CPNE6: variants seen among roughly 807,000 people sequenced by gnomAD.
The protein encoded by CPNE6 is copine 6.
In CPNE6, 33 loss-of-function variants were observed where a neutral mutation model predicts 71.5. That is an observed-to-expected ratio of 0.46 (90% confidence interval 0.35 to 0.62). CPNE6 has a LOEUF of 0.62. CPNE6 is among the 20% of genes least tolerant of loss of function. CPNE6 has a pLI of 0.00. For missense variants in CPNE6, 576 were observed against 747.3 expected (o/e 0.77, Z 2.67); for synonymous variants, 296 against 293.0 (o/e 1.01, Z -0.10).
chr14:24,071,590 T>C (rs1217330218), exon 2 of CPNE6: 2 of 1,342,994 alleles, frequency 1.5e-6, no homozygotes, highest in Admixed American at 4.4e-5. Flanking sequence ...AGCAAGGGAG[T>C]CAGGGCCAGG....
At chr14:24,071,501 G>GGGGCCC in intron 1 of CPNE6, 61 bp from the exon 1 acceptor site, 200 of 1,416,438 alleles carry the variant, frequency 1.4e-4, no homozygotes, top group Non-Finnish European at 1.7e-4. Context: ...CTGGTGCTGC[G>GGGGCCC]CCCCCCCCCA....
chr14:24,073,240 T>C lies in CPNE6; in HGVS notation c.168+136T>C. On this transcript the variant is annotated intron_variant, in intron 3 of 17. Transcript: ENST00000397016. The surrounding 1 kb of genome is among the most constrained non-coding windows in gnomAD (Gnocchi z 5.5). ...CCTTCTCGAGGCCGCTTGGGTACCCTGGAGATGGTGTCCCAGAGGGTCCTG... is the reference window on the plus strand; with the variant it reads ...CCTTCTCGAGGCCGCTTGGGTACCCCGGAGATGGTGTCCCAGAGGGTCCTG... 2 of 1,030,036 alleles carry C rather than the reference T, an allele frequency of 1.9e-6. No individual in the cohort carries two copies. Among genetic ancestry groups the C allele is most frequent in the Non-Finnish European group, 2.6e-6 (2 of 755,744 alleles). The allele number at this position is 1,030,036 out of a possible 1,614,324, so 63.8% of individuals were successfully genotyped here. A position where few individuals can be genotyped will look rare whatever the true frequency, so the allele number is the denominator to read the frequency against.
Position 24,075,332 on chromosome 14 carries a change from G to A in CPNE6, c.777+56G>A. ...ACCCAGATCCCTGGGAGAATCCTGA[G>A]GGTGATGCTGAAGAGACCACCATAG... On this transcript the variant is annotated intron_variant, in intron 9 of 17. Coordinates refer to ENST00000397016, the Ensembl canonical transcript of CPNE6. The surrounding 1 kb of genome is among the most constrained non-coding windows in gnomAD (Gnocchi z 4.3). 2.0e-6 allele frequency: 3 copies of A among 1,520,666 alleles called. No individual in the cohort carries two copies. The highest frequency in any genetic ancestry group is 1.7e-4 in the Middle Eastern group (1 of 5,906). 94.2% of individuals were successfully genotyped at this position (1,520,666 alleles called of 1,614,324 possible).
chr14:24,071,501 G>GC lies in CPNE6; in HGVS notation c.-119-17dup, dbSNP rs372732697. The GC allele has an allele frequency of 7.3e-3, 10,247 of 1,411,564 alleles. 120 individuals are homozygous for GC. The highest frequency in any genetic ancestry group is 0.067 in the African/African-American group (4,379 of 64,882). The allele number at this position is 1,411,564 out of a possible 1,614,324, so 87.4% of individuals were successfully genotyped here. A position where few individuals can be genotyped will look rare whatever the true frequency, so the allele number is the denominator to read the frequency against. ...TCCACGCGGGGGGAGCTGGTGCTGC[G>GC]CCCCCCCCCACCCCTCCCCATCCAG... On this transcript the variant is annotated intron_variant, in intron 1 of 17. Coordinates refer to ENST00000397016, the Ensembl canonical transcript of CPNE6.
In CPNE6 at chr14:24,074,689, C is replaced by T. The variant is rs375598302; in HGVS notation, c.583-17C>T. Reference sequence around the variant, plus strand: ...GACACAGACAGGAGCTGACCAGCCACCTGGTGCCTCTCCAAGGTGGTGAAG... The same window carrying T: ...GACACAGACAGGAGCTGACCAGCCATCTGGTGCCTCTCCAAGGTGGTGAAG... On this transcript the variant is annotated splice_polypyrimidine_tract_variant and intron_variant, in intron 7 of 17. Transcript: ENST00000397016. This position sits in a 1 kb window ranked among gnomAD's most constrained non-coding sequence, Gnocchi z 4.5. 4.4e-5 allele frequency: 71 copies of T among 1,613,918 alleles called. No homozygotes were observed. Among genetic ancestry groups the T allele is most frequent in the Non-Finnish European group, 5.4e-5 (64 of 1,179,926 alleles).
exon 3 of CPNE6, chr14:24,072,978 C>T: frequency 6.3e-7 from 1 of 1,586,900 alleles, no homozygotes. Context: ...AGCCCCCAAC[C>T]ATGACGCTGG....
In CPNE6 at chr14:24,077,706, T is replaced by C. The variant is rs777995219; in HGVS notation, c.1650T>C (p.Ala550=). 1 of 1,546,334 alleles carries C rather than the reference T, an allele frequency of 6.5e-7. No homozygotes were observed. The highest frequency in any genetic ancestry group is 1.3e-5 in the South Asian group (1 of 79,956). ...GGGCTCCCAGGCCCTGCACACTGGC[T>C]ACGACTCCCAGCCCTAGCCCGTGAC... The change falls in exon 17 of 18, where the codon GCT becomes GCC. Residue 550 remains alanine, a synonymous_variant. Coordinates refer to ENST00000397016, the Ensembl canonical transcript of CPNE6. The surrounding 1 kb of genome is among the most constrained non-coding windows in gnomAD (Gnocchi z 6.1).
Position 24,074,396 on chromosome 14 carries a change from C to A in CPNE6, c.498+31C>A. On this transcript the variant is annotated intron_variant, in intron 6 of 17. Coordinates refer to ENST00000397016, the Ensembl canonical transcript of CPNE6. The surrounding 1 kb of genome is among the most constrained non-coding windows in gnomAD (Gnocchi z 4.5). The stretch of plus-strand genomic sequence containing the variant: ...AACCCCAGAGTCCAGGCCCCCAACT[C>A]CCCTGTCACTCCTAGGCCTCCCACT... The A allele has an allele frequency of 1.3e-6, 2 of 1,548,532 alleles. No homozygotes were observed. The highest frequency in any genetic ancestry group is 1.7e-6 in the Non-Finnish European group (2 of 1,146,790).
chr14:24,075,419 G>T lies in CPNE6; in HGVS notation c.778-86G>T. The T allele has an allele frequency of 7.0e-7, 1 of 1,433,272 alleles. No individual in the cohort carries two copies. Among genetic ancestry groups the T allele is most frequent in the South Asian group, 1.2e-5 (1 of 85,494 alleles). The allele number at this position is 1,433,272 out of a possible 1,614,324, so 88.8% of individuals were successfully genotyped here. ...TCAGCTGAAGGACGGAACCATGGGG[G>T]TCTTGCTCTGGGAGGCTCTGCTGGA... On this transcript the variant is annotated intron_variant, in intron 9 of 17. Transcript: ENST00000397016. This position sits in a 1 kb window ranked among gnomAD's most constrained non-coding sequence, Gnocchi z 4.3.
At position 24,077,881 on chromosome 14, in the gene CPNE6, C is replaced by G. The variant is rs962799836; in HGVS notation, c.*38-7C>G. ...AGAGTGCTTATGACTCTCCCACCCCCTCCCAGGTGCCTGTCCTGACCCTCG... is the reference window on the plus strand; with the variant it reads ...AGAGTGCTTATGACTCTCCCACCCCGTCCCAGGTGCCTGTCCTGACCCTCG... On this transcript the variant is annotated splice_polypyrimidine_tract_variant and splice_region_variant and intron_variant, in intron 17 of 17. Coordinates refer to ENST00000397016, the Ensembl canonical transcript of CPNE6. This position sits in a 1 kb window ranked among gnomAD's most constrained non-coding sequence, Gnocchi z 6.1. 2 of 815,330 alleles carry G rather than the reference C, an allele frequency of 2.5e-6. No homozygotes were observed. Among genetic ancestry groups the G allele is most frequent in the Admixed American group, 3.6e-5 (1 of 27,788 alleles). The allele number at this position is 815,330 out of a possible 1,614,324, so 50.5% of individuals were successfully genotyped here.
rs1451109987 is a variant in CPNE6, at chr14:24,076,139, C to T, written c.925-10C>T. The T allele has an allele frequency of 6.2e-7, 1 of 1,611,696 alleles. No individual in the cohort carries two copies. Among genetic ancestry groups the T allele is most frequent in the Non-Finnish European group, 8.5e-7 (1 of 1,178,944 alleles). On this transcript the variant is annotated splice_polypyrimidine_tract_variant and intron_variant, in intron 11 of 17. Transcript: ENST00000397016. Reference sequence around the variant, plus strand: ...GGTTGCAGCATGACCTTCTTCCCACCCCCACCCAGGTGGCCATTGACTTCA... The same window carrying T: ...GGTTGCAGCATGACCTTCTTCCCACTCCCACCCAGGTGGCCATTGACTTCA...
Position 24,075,807 on chromosome 14 carries a change from A to G in CPNE6, c.865-20A>G. On this transcript the variant is annotated intron_variant, in intron 10 of 17. Coordinates refer to ENST00000397016, the Ensembl canonical transcript of CPNE6. The surrounding 1 kb of genome is among the most constrained non-coding windows in gnomAD (Gnocchi z 4.3). ...AAGGACCACCCCATCCCCTCGCCTTACCCCTCTCCCTACCTCCAGGTGGAG... is the reference window on the plus strand; with the variant it reads ...AAGGACCACCCCATCCCCTCGCCTTGCCCCTCTCCCTACCTCCAGGTGGAG... The G allele has an allele frequency of 6.2e-7, 1 of 1,612,378 alleles. No homozygotes were observed.
At position 24,074,887 on chromosome 14, in the gene CPNE6, TC is replaced by T; in HGVS notation, c.672+97del. The T allele has an allele frequency of 9.8e-7, 1 of 1,024,256 alleles. No individual in the cohort carries two copies. The highest frequency in any genetic ancestry group is 1.5e-6 in the Non-Finnish European group (1 of 671,724). 63.4% of individuals were successfully genotyped at this position (1,024,256 alleles called of 1,614,324 possible). A position where few individuals can be genotyped will look rare whatever the true frequency, so the allele number is the denominator to read the frequency against. On this transcript the variant is annotated intron_variant, in intron 8 of 17. Coordinates refer to ENST00000397016, the Ensembl canonical transcript of CPNE6. The surrounding 1 kb of genome is among the most constrained non-coding windows in gnomAD (Gnocchi z 4.5). ...CTGCATGTGGCAAGCCTCCCTCCTC[TC>T]CCCCAAGTGATAATCACATCCCACT...
chr14:24,076,579 T>G lies in CPNE6; in HGVS notation c.1165+22T>G, dbSNP rs200941113. On this transcript the variant is annotated intron_variant, in intron 14 of 17. Coordinates refer to ENST00000397016, the Ensembl canonical transcript of CPNE6. ...GAAGGTAAAAGGGGAGATTTTCACCTGCCCCGCCTCCCCGCAGACACACTC... is the reference window on the plus strand; with the variant it reads ...GAAGGTAAAAGGGGAGATTTTCACCGGCCCCGCCTCCCCGCAGACACACTC... 122 of 1,613,914 alleles carry G rather than the reference T, an allele frequency of 7.6e-5. 1 individual carries two copies. In the Middle Eastern group the frequency reaches 1.2e-3, roughly 15 times the overall value.
chr14:24,071,993 A>T (rs1274730169), intron 2 of CPNE6: 3 of 265,378 alleles, frequency 1.1e-5, no homozygotes, highest in Admixed American at 5.0e-5. Flanking sequence ...AGGGTGGGGC[A>T]CTCAGACACA....
At chr14:24,072,815 G>C (rs2035940995) in intron 2 of CPNE6, 118 bp from the exon 2 acceptor site, 1 of 926,202 alleles carries the variant, frequency 1.1e-6, no homozygotes, top group Non-Finnish European at 1.5e-6. Context: ...AGGTCCGTGA[G>C]GCCCCAGGGT....
rs775743002 is a variant in CPNE6 at position 24,072,925 on chromosome 14, C to T, written c.-4-8C>T. 4 of 1,560,654 alleles carry T rather than the reference C, an allele frequency of 2.6e-6. No homozygotes were observed. The highest frequency in any genetic ancestry group is 3.5e-6 in the Non-Finnish European group (4 of 1,155,436). On this transcript the variant is annotated splice_region_variant and splice_polypyrimidine_tract_variant and intron_variant, in intron 2 of 17. Coordinates refer to ENST00000397016, the Ensembl canonical transcript of CPNE6. ...CCAGAGTCCAGGCCACCTGCTCTGTCCCCACAGTGACATGTCGGACCCTGA... is the reference window on the plus strand; with the variant it reads ...CCAGAGTCCAGGCCACCTGCTCTGTTCCCACAGTGACATGTCGGACCCTGA...
At position 24,076,603 on chromosome 14, in the gene CPNE6, T is replaced by C. The variant is rs972211111; in HGVS notation, c.1165+46T>C. 3 of 1,609,690 alleles carry C rather than the reference T, an allele frequency of 1.9e-6. No individual in the cohort carries two copies. In the African/African-American group the frequency reaches 4.0e-5, roughly 22 times the overall value. On this transcript the variant is annotated intron_variant, in intron 14 of 17. Transcript: ENST00000397016. ...CTGCCCCGCCTCCCCGCAGACACACTCCACACAGGAGCACAGACTCCACTC... is the reference window on the plus strand; with the variant it reads ...CTGCCCCGCCTCCCCGCAGACACACCCCACACAGGAGCACAGACTCCACTC...
Position 24,073,650 on chromosome 14 carries a change from T to A in CPNE6, c.320T>A (p.Leu107His). 1 of 1,613,746 alleles carries A rather than the reference T, an allele frequency of 6.2e-7. No individual in the cohort carries two copies. The highest frequency in any genetic ancestry group is 8.5e-7 in the Non-Finnish European group (1 of 1,180,008). ...ACCAGCCCCCGAAATGATACCTTCC[T>A]CGGCTCTACGGAGTGCACCTTGGGC... The change falls in exon 4 of 18, where the codon CTC becomes CAC. Residue 107 changes from leucine (L) to histidine (H), a missense_variant. By Grantham distance (99) the Leu-to-His change is moderately conservative. Transcript: ENST00000397016. This position sits in a 1 kb window ranked among gnomAD's most constrained non-coding sequence, Gnocchi z 5.5.
Sources: allele counts gnomAD v4.1 joint callset, GRCh38; gene constraint gnomAD v4.1.1; non-coding constraint Gnocchi (gnomAD v3.1); transcripts MANE v1.5; gene names NCBI Gene and HGNC (gene_info 2026-07-23, HGNC 2026-07-21).